Variants in MECOM observed in about 807,000 individuals in gnomAD.
MECOM encodes the protein histone-lysine N-methyltransferase MECOM.
A neutral mutation model predicts 116.3 loss-of-function variants in MECOM; 13 were observed. The ratio of observed to expected loss-of-function variants is 0.11; its 90% CI spans 0.07 to 0.18. The LOEUF (loss-of-function observed/expected upper bound fraction) is 0.18, where lower values mean the gene tolerates loss of function less well. Ranked by LOEUF, MECOM falls within the 10% of genes least tolerant of loss-of-function variation. MECOM has a pLI of 1.00. For missense variants in MECOM, 1,299 were observed against 1,509.0 expected (o/e 0.86, Z 2.31); for synonymous variants, 528 against 535.2 (o/e 0.99, Z 0.19).
At chr3:169,326,802 C>G (rs933832311) in intron 2 of MECOM, among the ~76,000 whole-genome samples, 1 of 151,972 alleles carries the variant, frequency 6.6e-6, no homozygotes, top group Non-Finnish European at 1.5e-5. Context: ...CTTTTCAGTT[C>G]GTGTTAATTA....
At chr3:169,514,867 A>G (rs139356990) in intron 1 of MECOM, among the ~76,000 whole-genome samples, 19 of 152,354 alleles carry the variant, frequency 1.2e-4, no homozygotes, top group East Asian at 9.6e-4. Flanking sequence ...GTTTTAAATC[A>G]ACTTACCAAC....
intron 2 of MECOM, chr3:169,147,639 TG>T: frequency 1.0e-6 from 1 of 985,420 alleles, no homozygotes; most frequent in Non-Finnish European, 1.2e-6. Flanking sequence ...AAACAACCAA[TG>T]GGGAGATCTC....
Position 169,611,080 on chromosome 3 carries a change from C to G in MECOM, c.37+52256G>C, listed in dbSNP as rs1313421186. On this transcript the variant is annotated intron_variant, in intron 1 of 16. Coordinates refer to ENST00000651503, the MANE Select transcript of MECOM (RefSeq NM_004991.4). The surrounding 1 kb of genome is among the most constrained non-coding windows in gnomAD (Gnocchi z 4.1). The stretch of plus-strand genomic sequence containing the variant: ...TTCCTGTAGATTCTGAGTCAGTGAG[C>G]TGAAGTGGAGCTGATAAATCTGTTT... Among the ~76,000 whole-genome samples the G allele has an allele frequency of 6.6e-6, 1 of 152,178 alleles. No homozygotes were observed. The highest frequency in any genetic ancestry group is 2.4e-5 in the African/African-American group (1 of 41,452).
intron 1 of MECOM, among the ~76,000 whole-genome samples, chr3:169,449,217 C>T (rs1578132090): frequency 6.6e-6 from 1 of 152,152 alleles, no homozygotes; most frequent in African/African-American, 2.4e-5. Flanking sequence ...AGGTACTAAG[C>T]AATGCATATG....
chr3:169,339,743 A>G (rs1042411224), intron 2 of MECOM, among the ~76,000 whole-genome samples: 4 of 152,200 alleles, frequency 2.6e-5, no homozygotes, highest in Non-Finnish European at 4.4e-5. Flanking sequence ...CAAAACAAGT[A>G]AAAAATGACA....
At chr3:169,579,505 A>T (rs1194608909) in intron 1 of MECOM, among the ~76,000 whole-genome samples, 1 of 152,150 alleles carries the variant, frequency 6.6e-6, no homozygotes, top group East Asian at 1.9e-4. Flanking sequence ...CTGTTTCCTG[A>T]AGGGGTAAGA....
At chr3:169,212,398 C>T (rs951184775) in intron 2 of MECOM, among the ~76,000 whole-genome samples, 1 of 151,084 alleles carries the variant, frequency 6.6e-6, no homozygotes, top group African/African-American at 2.4e-5. Flanking sequence ...ACTCCAATGC[C>T]TGCAGGACAG....
intron 2 of MECOM, among the ~76,000 whole-genome samples, chr3:169,179,995 A>G (rs568797902): frequency 6.6e-6 from 1 of 152,328 alleles, no homozygotes; most frequent in Non-Finnish European, 1.5e-5. Flanking sequence ...TAATGTAGTC[A>G]ACCTTAATCT....
chr3:169,377,375 G>A (rs1731221303), intron 2 of MECOM, among the ~76,000 whole-genome samples: 1 of 152,192 alleles, frequency 6.6e-6, no homozygotes, highest in African/African-American at 2.4e-5. Context: ...TATCATTAGA[G>A]TGAACAGTCA....
chr3:169,433,136 AG>A (rs1029818827), intron 1 of MECOM, among the ~76,000 whole-genome samples: 12 of 152,236 alleles, frequency 7.9e-5, no homozygotes, highest in Non-Finnish European at 1.5e-4. Flanking sequence ...ATGGAAAAAA[AG>A]TATTCTATAT....
intron 7 of MECOM, among the ~76,000 whole-genome samples, chr3:169,118,360 G>T (rs1729861018): frequency 6.6e-6 from 1 of 152,142 alleles, no homozygotes; most frequent in Non-Finnish European, 1.5e-5. Flanking sequence ...AGATGTGGGT[G>T]ATATCTTTTC....
chr3:169,634,073 G>A (rs1471753713), intron 1 of MECOM, among the ~76,000 whole-genome samples: 1 of 152,152 alleles, frequency 6.6e-6, no homozygotes, highest in African/African-American at 2.4e-5. Flanking sequence ...TGCAGGGACA[G>A]CAGGAGCAAG....
At chr3:169,327,355 G>T (rs1480263459) in intron 2 of MECOM, among the ~76,000 whole-genome samples, 3 of 152,052 alleles carry the variant, frequency 2.0e-5, no homozygotes, top group African/African-American at 7.2e-5. Context: ...TTAAAAATTA[G>T]CTGGCTGGGC....
intron 2 of MECOM, among the ~76,000 whole-genome samples, chr3:169,362,678 C>G (rs908453836): frequency 2.6e-5 from 4 of 151,942 alleles, no homozygotes; most frequent in Admixed American, 6.6e-5. Flanking sequence ...TGACTGACAG[C>G]AGGAACAAAG....
At chr3:169,124,635 A>G (rs1732221283) in intron 5 of MECOM, among the ~76,000 whole-genome samples, 1 of 152,058 alleles carries the variant, frequency 6.6e-6, no homozygotes, top group Admixed American at 6.6e-5. Context: ...ATACTGAACT[A>G]TTTTTGAATA....
chr3:169,279,202 A>T (rs1281640206), intron 2 of MECOM, among the ~76,000 whole-genome samples: 2 of 152,174 alleles, frequency 1.3e-5, no homozygotes, highest in African/African-American at 4.8e-5. Flanking sequence ...ATAAACCAGG[A>T]TCTTCACAAC....
intron 1 of MECOM, among the ~76,000 whole-genome samples, chr3:169,469,463 AAAT>A (rs1431883841): frequency 1.3e-5 from 2 of 152,232 alleles, no homozygotes; most frequent in Non-Finnish European, 2.9e-5. Flanking sequence ...GAGTGACTTA[AAAT>A]CAAAACTACT....
chr3:169,582,906 C>G (rs998756893), intron 1 of MECOM, among the ~76,000 whole-genome samples: 1 of 152,140 alleles, frequency 6.6e-6, no homozygotes, highest in Non-Finnish European at 1.5e-5. Flanking sequence ...CTTTGTTTTG[C>G]TTACTGGTAT....
chr3:169,600,738 C>G (rs1029703153), intron 1 of MECOM, among the ~76,000 whole-genome samples: 2 of 152,132 alleles, frequency 1.3e-5, no homozygotes, highest in Admixed American at 1.3e-4. Flanking sequence ...TTTTGCTCTC[C>G]TTTAAAAAGT....
Sources: gnomAD v4.1 joint callset for allele counts (sites outside exome capture counted in the v4.1 genomes callset) on GRCh38, gnomAD v4.1.1 for gene constraint, Gnocchi (gnomAD v3.1) non-coding constraint, MANE v1.5 for transcripts, NCBI Gene and HGNC (gene_info 2026-07-23, HGNC 2026-07-21) for gene names.